The following RAB3GAP1 variants were observed in gnomAD, a reference collection of about 807,000 sequenced individuals.
RAB3GAP1 encodes the protein RAB3 GTPase activating protein catalytic subunit 1.
A neutral mutation model predicts 130.7 loss-of-function variants in RAB3GAP1; 86 were observed. The ratio of observed to expected loss-of-function variants is 0.66; its 90% CI spans 0.55 to 0.79. RAB3GAP1 has a LOEUF of 0.79. RAB3GAP1 is among the 30% of genes least tolerant of loss of function. The pLI, the probability that RAB3GAP1 is intolerant of heterozygous loss-of-function variation, is 0.00. For synonymous variants in RAB3GAP1, 367 were observed against 401.7 expected, an observed-to-expected ratio of 0.91 and a Z score of 1.03; for missense variants, 1,029 against 1,169.4, an observed-to-expected ratio of 0.88 and a Z score of 1.75.
intron 3 of RAB3GAP1, among the ~76,000 whole-genome samples, chr2:135,061,003 CT>C (rs369829961): frequency 0.03 from 3,902 of 131,016 alleles, 139 homozygotes; most frequent in African/African-American, 0.096. Flanking sequence ...TGGGCCCAGC[CT>C]TTTTTTTTTT....
chr2:135,103,517 C>G (rs1187438246), intron 5 of RAB3GAP1, among the ~76,000 whole-genome samples: 2 of 152,098 alleles, frequency 1.3e-5, no homozygotes, highest in African/African-American at 4.8e-5. Flanking sequence ...GTTAGTGATT[C>G]CTCTTTGCTA....
At chr2:135,151,559 C>T (rs1692174423) in intron 18 of RAB3GAP1, among the ~76,000 whole-genome samples, 1 of 152,134 alleles carries the variant, frequency 6.6e-6, no homozygotes, top group Non-Finnish European at 1.5e-5. Context: ...TTTAGTGAAC[C>T]TCTTAAGAGC....
chr2:135,054,687 T>C (rs1177345823), intron 2 of RAB3GAP1, among the ~76,000 whole-genome samples: 1 of 152,152 alleles, frequency 6.6e-6, no homozygotes, highest in African/African-American at 2.4e-5. Flanking sequence ...GAAACATCAG[T>C]TTTGAATGGA....
At chr2:135,098,704 C>A (rs1690368495) in intron 5 of RAB3GAP1, among the ~76,000 whole-genome samples, 1 of 152,096 alleles carries the variant, frequency 6.6e-6, no homozygotes, top group Admixed American at 6.6e-5. Flanking sequence ...TACCTGATTT[C>A]TTTCAGCAGT....
At chr2:135,173,944 G>A (rs999099318), downstream of RAB3GAP1, among the ~76,000 whole-genome samples, 2 of 152,188 alleles carry the variant, frequency 1.3e-5, no homozygotes, top group African/African-American at 2.4e-5. Context: ...TCTAATTTAC[G>A]GTCATCTGGC....
chr2:135,129,487 T>C (rs142348717), intron 11 of RAB3GAP1, among the ~76,000 whole-genome samples: 14 of 151,506 alleles, frequency 9.2e-5, no homozygotes, highest in African/African-American at 3.4e-4. Flanking sequence ...AAAATAATAG[T>C]AATAATGACG....
chr2:135,126,540 A>G (rs761732117), intron 10 of RAB3GAP1, 43 bp from the exon 11 acceptor site: 18 of 1,502,710 alleles, frequency 1.2e-5, no homozygotes, highest in Non-Finnish European at 1.7e-5. Flanking sequence ...AATCTTGCAG[A>G]TTGTCATAAT....
chr2:135,087,052 T>C (rs977026133), intron 3 of RAB3GAP1, among the ~76,000 whole-genome samples: 1 of 152,208 alleles, frequency 6.6e-6, no homozygotes, highest in Non-Finnish European at 1.5e-5. Flanking sequence ...TTATTGTTAG[T>C]GCTTTTTGTG....
intron 24 of RAB3GAP1, among the ~76,000 whole-genome samples, chr2:135,175,827 G>A (rs756461231): frequency 2.0e-5 from 3 of 152,220 alleles, no homozygotes; most frequent in East Asian, 1.9e-4. Context: ...TCTATCAGAC[G>A]TGGTAGAGAG....
At chr2:135,127,207 G>T (rs570067707) in intron 11 of RAB3GAP1, among the ~76,000 whole-genome samples, 34 of 149,182 alleles carry the variant, frequency 2.3e-4, no homozygotes, top group African/African-American at 7.6e-4. Flanking sequence ...TTTTTTTCCG[G>T]ATGCTTTTAT....
chr2:135,148,024 T>G (rs1172652080), intron 17 of RAB3GAP1, among the ~76,000 whole-genome samples: 3 of 152,196 alleles, frequency 2.0e-5, no homozygotes, highest in African/African-American at 7.2e-5. Context: ...ATTTTCACAT[T>G]TGAATTTATA....
At chr2:135,148,674 T>G (rs1182834068) in intron 17 of RAB3GAP1, among the ~76,000 whole-genome samples, 2 of 148,130 alleles carry the variant, frequency 1.4e-5, no homozygotes, top group Non-Finnish European at 3.0e-5. Flanking sequence ...GTATCTTTTT[T>G]TTTTTTTTTT....
intron 3 of RAB3GAP1, 36 bp from the exon 4 acceptor site, chr2:135,090,962 A>T: frequency 6.4e-7 from 1 of 1,568,652 alleles, no homozygotes; most frequent in Non-Finnish European, 8.8e-7. Flanking sequence ...GCTATTGATT[A>T]AGGTAAATAT....
chr2:135,175,157 A>C (rs1692973770), downstream of RAB3GAP1, among the ~76,000 whole-genome samples: 1 of 152,224 alleles, frequency 6.6e-6, no homozygotes, highest in South Asian at 2.1e-4. Flanking sequence ...ATAAGTGTGT[A>C]GGCTCCCTCC....
At chr2:135,110,200 G>T (rs1690757989) in intron 5 of RAB3GAP1, among the ~76,000 whole-genome samples, 1 of 151,572 alleles carries the variant, frequency 6.6e-6, no homozygotes, top group Non-Finnish European at 1.5e-5. Context: ...GTGGTGTGAT[G>T]ATGGTTCACT....
At chr2:135,117,498 T>TCTTCTTCTTCTG (rs1691019878) in intron 7 of RAB3GAP1, among the ~76,000 whole-genome samples, 7 of 72,812 alleles carry the variant, frequency 9.6e-5, no homozygotes, top group African/African-American at 3.2e-4. Context: ...TTCTTCTGCT[T>TCTTCTTCTTCTG]CTTCTTCTTC....
rs764260054 is a variant in RAB3GAP1, at chr2:135,115,292, C to T, written c.559C>T (p.Arg187Ter). Residue 187 changes from arginine (R) to a stop codon, truncating the protein, a stop_gained, in exon 7 of 24, where the codon CGA (arginine) becomes TGA (stop). Coordinates refer to ENST00000264158, the MANE Select transcript of RAB3GAP1 (RefSeq NM_012233.3). LOFTEE classifies it high-confidence loss of function. ...YVGECQGPGV[R>*]TDFEMVHLRK... ...AGGAGAATGTCAAGGTCCTGGTGTA[C>T]GAACTGATTTCGAAATGGTTCATCT... 8.7e-6 allele frequency: 14 copies of T among 1,613,030 alleles called. No individual in the cohort carries two copies. Among genetic ancestry groups the T allele is most frequent in the African/African-American group, 6.7e-5 (5 of 74,836 alleles).
intron 17 of RAB3GAP1, among the ~76,000 whole-genome samples, chr2:135,149,947 G>A (rs1692126241): frequency 6.6e-6 from 1 of 152,134 alleles, no homozygotes; most frequent in African/African-American, 2.4e-5. Context: ...ATGAGCCACC[G>A]TGCCTGGCCC....
At chr2:135,160,872 G>C (rs1004539432) in intron 19 of RAB3GAP1, among the ~76,000 whole-genome samples, 1 of 152,026 alleles carries the variant, frequency 6.6e-6, no homozygotes, top group Non-Finnish European at 1.5e-5. Context: ...AGGGACATGA[G>C]TGTGCGACTT....
Sources: allele counts gnomAD v4.1 joint callset (sites outside exome capture counted in the v4.1 genomes callset), GRCh38; gene constraint gnomAD v4.1.1; transcripts MANE v1.5; gene names NCBI Gene and HGNC (gene_info 2026-07-23, HGNC 2026-07-21).